Variants in RUNDC3B observed in about 807,000 individuals in gnomAD.
The protein encoded by RUNDC3B is RUN domain containing 3B.
In RUNDC3B, 33 loss-of-function variants were observed where a neutral mutation model predicts 58.4. That is an observed-to-expected ratio of 0.56 (90% CI 0.43 to 0.75). The LOEUF (loss-of-function observed/expected upper bound fraction) is 0.75. RUNDC3B is among the 30% of genes least tolerant of loss of function. RUNDC3B has a pLI of 0.00. For synonymous variants in RUNDC3B, 193 were observed against 195.2 expected (o/e 0.99, Z 0.10); for missense variants, 501 against 535.7 (o/e 0.94, Z 0.64).
intron 2 of RUNDC3B, among the ~76,000 whole-genome samples, chr7:87,691,101 G>C (rs1827977126): frequency 6.6e-6 from 1 of 151,984 alleles, no homozygotes; most frequent in African/African-American, 2.4e-5. Flanking sequence ...GAAAAATATA[G>C]AAGAATAAAT....
At chr7:87,722,364 C>A (rs1201863816) in intron 4 of RUNDC3B, among the ~76,000 whole-genome samples, 1 of 152,066 alleles carries the variant, frequency 6.6e-6, no homozygotes, top group Non-Finnish European at 1.5e-5. Flanking sequence ...GCCCCTACCC[C>A]CCAGCCTCTG....
rs558582227 is a variant in RUNDC3B at position 87,807,308 on chromosome 7, C to G, written c.957-65C>G. The G allele has an allele frequency of 4.8e-5, 73 of 1,527,320 alleles. No homozygotes were observed. The African/African-American group carries it at 5.0e-4, about 10-fold the overall frequency. 94.6% of individuals were successfully genotyped at this position (1,527,320 alleles called of 1,614,324 possible). Reference sequence around the variant, plus strand: ...AAATTTTGGGGGCCTAAATTGATACCATTAGGTTCCTCTGCCATTGTAGAA... The same window carrying G: ...AAATTTTGGGGGCCTAAATTGATACGATTAGGTTCCTCTGCCATTGTAGAA... On this transcript the variant is annotated intron_variant, in intron 8 of 10. Coordinates refer to ENST00000394654, the MANE Select transcript of RUNDC3B (RefSeq NM_001134405.2).
intron 8 of RUNDC3B, among the ~76,000 whole-genome samples, chr7:87,799,665 G>T (rs768066761): frequency 6.6e-6 from 1 of 151,858 alleles, no homozygotes; most frequent in Non-Finnish European, 1.5e-5. Flanking sequence ...GAGGTGGGTG[G>T]ATCACGAGGT....
intron 9 of RUNDC3B, among the ~76,000 whole-genome samples, chr7:87,813,342 CAG>C (rs1390503502): frequency 6.6e-6 from 1 of 152,274 alleles, no homozygotes; most frequent in East Asian, 1.9e-4. Context: ...GCTGCTTTTA[CAG>C]AGTTTTTTCC....
At chr7:87,782,886 A>G (rs1003283804) in intron 8 of RUNDC3B, among the ~76,000 whole-genome samples, 1 of 152,168 alleles carries the variant, frequency 6.6e-6, no homozygotes, top group African/African-American at 2.4e-5. Flanking sequence ...ATGGCCAAGC[A>G]TGTGGTCAAA....
In RUNDC3B at chr7:87,700,417, G is replaced by A. The variant is rs2130692168; in HGVS notation, c.239-4G>A. 6.3e-7 allele frequency: 1 copy of A among 1,593,752 alleles called. No homozygotes were observed. The highest frequency in any genetic ancestry group is 8.5e-7 in the Non-Finnish European group (1 of 1,173,362). ...AATTTTATATCGCAATTTGTCTCCT[G>A]AAGGTCAAGTAACCTGGTTTGGTTA... On this transcript the variant is annotated splice_region_variant and splice_polypyrimidine_tract_variant and intron_variant, in intron 2 of 10. Coordinates refer to ENST00000394654, the MANE Select transcript of RUNDC3B (RefSeq NM_001134405.2).
At chr7:87,642,659 C>G (rs575001395) in intron 1 of RUNDC3B, among the ~76,000 whole-genome samples, 2 of 151,808 alleles carry the variant, frequency 1.3e-5, no homozygotes, top group African/African-American at 4.8e-5. Context: ...ACTTGAAGTT[C>G]TAGGGTACAT....
intron 2 of RUNDC3B, among the ~76,000 whole-genome samples, chr7:87,682,516 T>TG (rs1827026852): frequency 6.6e-6 from 1 of 152,212 alleles, no homozygotes; most frequent in African/African-American, 2.4e-5. Flanking sequence ...GATTGGATGT[T>TG]GTGTTAGAAG....
chr7:87,804,692 T>C (rs912758029), intron 8 of RUNDC3B, among the ~76,000 whole-genome samples: 4 of 152,184 alleles, frequency 2.6e-5, no homozygotes, highest in Non-Finnish European at 5.9e-5. Context: ...AAGTGATAAA[T>C]AGAATCTATC....
At chr7:87,823,366 A>T (rs1308013477) in intron 10 of RUNDC3B, among the ~76,000 whole-genome samples, 1 of 149,636 alleles carries the variant, frequency 6.7e-6, no homozygotes, top group African/African-American at 2.5e-5. Flanking sequence ...ATGCAAAACT[A>T]TTTTTTTTCT....
chr7:87,651,200 T>C (rs2130374559), intron 2 of RUNDC3B, among the ~76,000 whole-genome samples: 1 of 152,234 alleles, frequency 6.6e-6, no homozygotes, highest in South Asian at 2.1e-4. Context: ...AAAGCTTAAA[T>C]TGAAAGGAAG....
intron 1 of RUNDC3B, among the ~76,000 whole-genome samples, chr7:87,649,602 A>G (rs1823367631): frequency 6.6e-6 from 1 of 152,218 alleles, no homozygotes; most frequent in African/African-American, 2.4e-5. Flanking sequence ...TCAAAAATAG[A>G]GACAAAGGAC....
intron 2 of RUNDC3B, among the ~76,000 whole-genome samples, chr7:87,678,353 T>C (rs1397744703): frequency 6.6e-6 from 1 of 152,036 alleles, no homozygotes; most frequent in Non-Finnish European, 1.5e-5. Flanking sequence ...GGCTACAGAG[T>C]AAAGGGAACT....
chr7:87,802,267 G>T (rs1359848433), intron 8 of RUNDC3B, among the ~76,000 whole-genome samples: 4 of 151,982 alleles, frequency 2.6e-5, no homozygotes, highest in Non-Finnish European at 4.4e-5. Context: ...GTGGTTGCAT[G>T]CTTGTAGTCC....
chr7:87,700,331 T>C lies in RUNDC3B; in HGVS notation c.239-90T>C, dbSNP rs556691413. On this transcript the variant is annotated intron_variant, in intron 2 of 10. Coordinates refer to ENST00000394654, the MANE Select transcript of RUNDC3B (RefSeq NM_001134405.2). ...TGCCATTATAGTTCACTATATTACC[T>C]TTATTTTTCAGAATTTTATTGTTCT... is the stretch of plus-strand genomic sequence containing the variant. 7 of 1,167,202 alleles carry C rather than the reference T, an allele frequency of 6.0e-6. No homozygotes were observed. The South Asian group carries it at 1.1e-4, about 19-fold the overall frequency. 72.3% of individuals were successfully genotyped at this position (1,167,202 alleles called of 1,614,324 possible).
chr7:87,782,359 C>T (rs955730904), intron 8 of RUNDC3B, among the ~76,000 whole-genome samples: 24 of 151,960 alleles, frequency 1.6e-4, no homozygotes, highest in African/African-American at 5.1e-4. Flanking sequence ...GATCTTCTTT[C>T]TTTTTTTCTT....
chr7:87,767,130 G>A (rs12532941), intron 6 of RUNDC3B, among the ~76,000 whole-genome samples: 15,986 of 151,958 alleles, frequency 0.11, 1,054 homozygotes, highest in African/African-American at 0.19. Context: ...CATCTTTCAG[G>A]TCCTGAATTG....
chr7:87,652,123 C>T (rs1292826575), intron 2 of RUNDC3B, among the ~76,000 whole-genome samples: 1 of 151,986 alleles, frequency 6.6e-6, no homozygotes, highest in Non-Finnish European at 1.5e-5. Flanking sequence ...AATTTATAAA[C>T]AATGCCTAAC....
At chr7:87,765,496 T>C (rs567385459) in intron 6 of RUNDC3B, among the ~76,000 whole-genome samples, 1 of 152,196 alleles carries the variant, frequency 6.6e-6, no homozygotes, top group Non-Finnish European at 1.5e-5. Context: ...GTATATTATG[T>C]CTCTTTTCAT....
Sources: gnomAD v4.1 joint callset for allele counts (sites outside exome capture counted in the v4.1 genomes callset) on GRCh38, gnomAD v4.1.1 for gene constraint, MANE v1.5 for transcripts, NCBI Gene and HGNC (gene_info 2026-07-23, HGNC 2026-07-21) for gene names.